Variants in RNFT2 observed in about 807,000 individuals in gnomAD.
The protein encoded by RNFT2 is ring finger protein, transmembrane 2, also known as E3 ubiquitin-protein ligase RNFT2.
In RNFT2, 36 loss-of-function variants were observed where a neutral mutation model predicts 53.0. That is an observed-to-expected ratio of 0.68 (90% CI 0.52 to 0.90). The LOEUF (loss-of-function observed/expected upper bound fraction) is 0.90. RNFT2 is among the 40% of genes least tolerant of loss of function. RNFT2 has a pLI of 0.00. For missense variants in RNFT2, 514 were observed against 585.6 expected, an observed-to-expected ratio of 0.88 and a Z score of 1.26; for synonymous variants, 260 against 253.2, an observed-to-expected ratio of 1.03 and a Z score of -0.26.
At chr12:116,773,719 A>G (rs768793575) in intron 6 of RNFT2, among the ~76,000 whole-genome samples, 2 of 152,240 alleles carry the variant, frequency 1.3e-5, no homozygotes, top group Non-Finnish European at 2.9e-5. Context: ...GATGGGAATC[A>G]CATCTCTACA....
At position 116,760,180 on chromosome 12, in the gene RNFT2, C is replaced by T. The variant is rs370562862; in HGVS notation, c.627+6120C>T. ...CCAGCTCCCCTGCAAAACGAAGGGC[C>T]GGTCTCACTCCCACCATGCCCACCA... On this transcript the variant is annotated intron_variant, in intron 5 of 10. Transcript: ENST00000257575. Among the ~76,000 whole-genome samples the T allele has an allele frequency of 6.6e-5, 10 of 152,230 alleles. No individual in the cohort carries two copies. The East Asian group carries it at 1.5e-3, about 24-fold the overall frequency.
chr12:116,782,078 C>CAAAAAAA (rs1171955385), intron 7 of RNFT2: 3 of 1,146 alleles, frequency 2.6e-3, no homozygotes, highest in Admixed American at 0.011. Context: ...GACTCCGTCT[C>CAAAAAAA]CAAAAAAAAA....
At chr12:116,809,242 G>A (rs556832296) in intron 7 of RNFT2, among the ~76,000 whole-genome samples, 6 of 152,140 alleles carry the variant, frequency 3.9e-5, no homozygotes, top group South Asian at 2.1e-4. Flanking sequence ...GAGCAGAGTC[G>A]TGGCTGCATC....
intron 7 of RNFT2, among the ~76,000 whole-genome samples, chr12:116,811,063 C>T (rs1875348533): frequency 6.6e-6 from 1 of 152,156 alleles, no homozygotes; most frequent in South Asian, 2.1e-4. Flanking sequence ...AGTCAGTCAC[C>T]TCCCTTCTCC....
In RNFT2 at chr12:116,849,825, C is replaced by CTT; in HGVS notation, c.*377_*378insTT. The CTT allele has an allele frequency of 4.4e-6, 1 of 229,450 alleles. No individual in the cohort carries two copies. The highest frequency in any genetic ancestry group is 5.6e-6 in the Non-Finnish European group (1 of 177,132). 14.2% of individuals were successfully genotyped at this position (229,450 alleles called of 1,614,324 possible). A position where few individuals can be genotyped will look rare whatever the true frequency, so the allele number is the denominator to read the frequency against. On this transcript the variant is annotated 3_prime_UTR_variant, in exon 11 of 11. Coordinates refer to ENST00000257575, the MANE Select transcript of RNFT2 (RefSeq NM_001382266.1). ...CTCTCTCTCTCTGTTTCCCTCCCTC[C>CTT]CTCCTTCCTTCCTTCCTTCCTTTTT... is the stretch of plus-strand genomic sequence containing the variant.
At chr12:116,743,819 C>G (rs1290661248) in intron 3 of RNFT2, among the ~76,000 whole-genome samples, 1 of 152,224 alleles carries the variant, frequency 6.6e-6, no homozygotes, top group East Asian at 1.9e-4. Flanking sequence ...GGGAAGAACA[C>G]GGGGCTCAGC....
chr12:116,819,355 C>A (rs1283339954), intron 7 of RNFT2, among the ~76,000 whole-genome samples: 1 of 152,102 alleles, frequency 6.6e-6, no homozygotes, highest in Non-Finnish European at 1.5e-5. Flanking sequence ...CGGCGCGGGA[C>A]GCCCGGAGGC....
intron 7 of RNFT2, among the ~76,000 whole-genome samples, chr12:116,806,399 T>TAG (rs1412696339): frequency 7.0e-6 from 1 of 143,086 alleles, no homozygotes; most frequent in Non-Finnish European, 1.5e-5. Context: ...TATATATATA[T>TAG]AGATAGATAG....
At chr12:116,772,592 A>G (rs751191088) in intron 6 of RNFT2, among the ~76,000 whole-genome samples, 5 of 152,128 alleles carry the variant, frequency 3.3e-5, no homozygotes, top group Admixed American at 6.5e-5. Context: ...GGTGTGAGCC[A>G]TTGCGCCCAG....
intron 4 of RNFT2, among the ~76,000 whole-genome samples, chr12:116,751,009 C>G (rs925980295): frequency 6.7e-6 from 1 of 149,252 alleles, no homozygotes; most frequent in Non-Finnish European, 1.5e-5. Context: ...TTTTGCCTCC[C>G]AGGTTGGTTA....
chr12:116,817,165 A>G (rs1314280492), intron 7 of RNFT2, among the ~76,000 whole-genome samples: 1 of 152,138 alleles, frequency 6.6e-6, no homozygotes. Flanking sequence ...GGCACGCACT[A>G]CCATGGCCGA....
intron 7 of RNFT2, among the ~76,000 whole-genome samples, chr12:116,788,927 GA>G (rs1445603888): frequency 6.9e-6 from 1 of 144,194 alleles, no homozygotes; most frequent in African/African-American, 2.6e-5. Flanking sequence ...ATGGTGGATG[GA>G]TGGATGGATA....
chr12:116,806,323 TGG>T (rs1453767653), intron 7 of RNFT2, among the ~76,000 whole-genome samples: 1 of 149,200 alleles, frequency 6.7e-6, no homozygotes, highest in African/African-American at 2.5e-5. Flanking sequence ...TGAGCCCAGA[TGG>T]CACCACTGCA....
At chr12:116,816,193 T>G (rs1875655857) in intron 7 of RNFT2, among the ~76,000 whole-genome samples, 1 of 152,214 alleles carries the variant, frequency 6.6e-6, no homozygotes, top group Non-Finnish European at 1.5e-5. Context: ...AGGCCTCTCC[T>G]GGGTACTGGG....
intron 7 of RNFT2, among the ~76,000 whole-genome samples, chr12:116,787,157 G>C (rs1261699445): frequency 6.6e-6 from 1 of 152,196 alleles, no homozygotes; most frequent in Non-Finnish European, 1.5e-5. Context: ...AGAGAGGTGA[G>C]ATAGTTTGTC....
Position 116,849,883 on chromosome 12 carries a change from AC to A in RNFT2, c.*438del. ...TTTTAAAACAAGGTCTCGCTCTATC[AC>A]CCAGGCTGGAGTGCAGTGGCACAAT... On this transcript the variant is annotated 3_prime_UTR_variant, in exon 11 of 11. Coordinates refer to ENST00000257575, the MANE Select transcript of RNFT2 (RefSeq NM_001382266.1). The A allele has an allele frequency of 5.8e-6, 1 of 172,696 alleles. No homozygotes were observed. The highest frequency in any genetic ancestry group is 8.4e-6 in the Non-Finnish European group (1 of 119,204). The allele number at this position is 172,696 out of a possible 1,614,324, so 10.7% of individuals were successfully genotyped here.
chr12:116,749,204 CT>C (rs1200743499), intron 3 of RNFT2, among the ~76,000 whole-genome samples: 5 of 151,936 alleles, frequency 3.3e-5, no homozygotes, highest in African/African-American at 4.8e-5. Context: ...CTCTCCTTGG[CT>C]TGTGGACAGC....
intron 7 of RNFT2, among the ~76,000 whole-genome samples, chr12:116,808,468 A>C (rs1263765512): frequency 2.6e-5 from 4 of 152,160 alleles, no homozygotes; most frequent in African/African-American, 9.7e-5. Context: ...CAAAGGCTAC[A>C]TTCTGCCACC....
chr12:116,771,131 T>A (rs996336073), intron 6 of RNFT2, among the ~76,000 whole-genome samples: 8 of 152,144 alleles, frequency 5.3e-5, no homozygotes, highest in Non-Finnish European at 1.5e-5. Context: ...TGCTGACTCC[T>A]GACCTAAAAT....
Sources: gnomAD v4.1 joint callset for allele counts (sites outside exome capture counted in the v4.1 genomes callset) on GRCh38, gnomAD v4.1.1 for gene constraint, MANE v1.5 for transcripts, NCBI Gene and HGNC (gene_info 2026-07-23, HGNC 2026-07-21) for gene names.